Variants in WWOX observed in about 807,000 individuals in gnomAD.
WWOX encodes the protein WW domain containing oxidoreductase, also known as WW domain-containing oxidoreductase.
Under a neutral mutation model 46.2 loss-of-function variants are expected in WWOX, and 69 were observed. That is an observed-to-expected ratio of 1.49 (90% confidence interval 1.23 to 1.82). WWOX has a LOEUF of 1.82. Among genes scored for constraint, WWOX ranks in the 40% most tolerant of loss-of-function variants. WWOX has a pLI of 0.00. For synonymous variants in WWOX, 359 were observed against 202.6 expected (o/e 1.77, Z -6.56); for missense variants, 919 against 542.6 (o/e 1.69, Z -6.89).
At chr16:78,139,754 CAT>C (rs1192713891) in intron 4 of WWOX, among the ~76,000 whole-genome samples, 2 of 152,118 alleles carry the variant, frequency 1.3e-5, no homozygotes, top group African/African-American at 4.8e-5. Flanking sequence ...GAGAAAAAGA[CAT>C]ATTTATGCAT....
At chr16:78,754,200 A>C (rs1032035602) in intron 8 of WWOX, among the ~76,000 whole-genome samples, 5 of 151,788 alleles carry the variant, frequency 3.3e-5, no homozygotes, top group Non-Finnish European at 7.4e-5. Flanking sequence ...CTCTGTCTTC[A>C]CTCGGTGAGG....
intron 8 of WWOX, among the ~76,000 whole-genome samples, chr16:78,742,473 A>T (rs1328463523): frequency 6.6e-6 from 1 of 152,200 alleles, no homozygotes; most frequent in Non-Finnish European, 1.5e-5. Flanking sequence ...ACAGGTTGGA[A>T]GTATTTATCT....
At chr16:78,597,145 C>T (rs2045510759) in intron 8 of WWOX, among the ~76,000 whole-genome samples, 2 of 152,138 alleles carry the variant, frequency 1.3e-5, no homozygotes, top group African/African-American at 4.8e-5. Flanking sequence ...TTTATTTTAG[C>T]CGGTGCCTTT....
chr16:78,892,599 G>T (rs1010668635), intron 8 of WWOX, among the ~76,000 whole-genome samples: 3 of 152,178 alleles, frequency 2.0e-5, no homozygotes, highest in Non-Finnish European at 4.4e-5. Context: ...ACTTTTACCT[G>T]TGTTATCTAC....
chr16:79,043,481 G>C (rs2048010278), intron 8 of WWOX, among the ~76,000 whole-genome samples: 2 of 152,206 alleles, frequency 1.3e-5, no homozygotes, highest in African/African-American at 4.8e-5. Context: ...AAGTGCATTA[G>C]ATAAGTAAGT....
intron 8 of WWOX, among the ~76,000 whole-genome samples, chr16:78,691,592 C>T (rs1277043477): frequency 6.6e-6 from 1 of 152,034 alleles, no homozygotes; most frequent in Non-Finnish European, 1.5e-5. Flanking sequence ...CCTGAAGTCC[C>T]AGCTAACTGG....
chr16:78,752,283 T>C lies in WWOX; in HGVS notation c.1056+319531T>C, dbSNP rs186970698. On this transcript the variant is annotated intron_variant, in intron 8 of 8. Transcript: ENST00000566780. Reference sequence around the variant, plus strand: ...AGACTATCAGGTTAAAACAAAGATATTCTTTCTTTCCTTTTTGTTTTTGAC... The same window carrying C: ...AGACTATCAGGTTAAAACAAAGATACTCTTTCTTTCCTTTTTGTTTTTGAC... 2.9e-4 allele frequency among the ~76,000 whole-genome samples: 44 copies of C among 152,306 alleles called. No individual in the cohort carries two copies. In the East Asian group the frequency reaches 7.9e-3, roughly 27 times the overall value.
At chr16:79,106,344 A>G (rs2049307126) in intron 8 of WWOX, among the ~76,000 whole-genome samples, 1 of 152,180 alleles carries the variant, frequency 6.6e-6, no homozygotes, top group Admixed American at 6.5e-5. Flanking sequence ...AGGTGAAAGA[A>G]TCTTTGGCAT....
At chr16:79,120,823 C>T (rs1255108351) in intron 8 of WWOX, among the ~76,000 whole-genome samples, 1 of 152,220 alleles carries the variant, frequency 6.6e-6, no homozygotes. Context: ...GGCTGGAGTG[C>T]AGTGGCATGA....
chr16:78,234,265 G>T (rs1035853537), intron 5 of WWOX, among the ~76,000 whole-genome samples: 3 of 152,038 alleles, frequency 2.0e-5, no homozygotes, highest in Non-Finnish European at 4.4e-5. Flanking sequence ...AAATTTTCCA[G>T]TCTAGGTTAT....
intron 6 of WWOX, among the ~76,000 whole-genome samples, chr16:78,415,535 C>G (rs2082779573): frequency 6.6e-6 from 1 of 152,074 alleles, no homozygotes; most frequent in Non-Finnish European, 1.5e-5. Context: ...TGGAGTCACT[C>G]TGGTTTGAAT....
intron 8 of WWOX, among the ~76,000 whole-genome samples, chr16:78,701,266 A>G (rs2048210209): frequency 2.6e-5 from 4 of 152,144 alleles, no homozygotes; most frequent in African/African-American, 9.7e-5. Context: ...GTATTAAGAC[A>G]GGGTCTTGTT....
At chr16:78,825,929 C>G in intron 8 of WWOX, 1 of 774,158 alleles carries the variant, frequency 1.3e-6, no homozygotes, top group Non-Finnish European at 2.2e-6. Context: ...TGAGGTAGTG[C>G]CCACCACTCC....
At chr16:78,609,482 A>G (rs866561160) in intron 8 of WWOX, among the ~76,000 whole-genome samples, 5 of 152,102 alleles carry the variant, frequency 3.3e-5, no homozygotes, top group Admixed American at 2.6e-4. Context: ...AAAAGAAAAA[A>G]AAAAATGTTT....
intron 4 of WWOX, among the ~76,000 whole-genome samples, chr16:78,136,545 T>A (rs2033796548): frequency 6.6e-6 from 1 of 152,170 alleles, no homozygotes; most frequent in South Asian, 2.1e-4. Context: ...ATCACATCTG[T>A]TTATGAGTTT....
At chr16:78,349,612 G>A (rs12935254) in intron 5 of WWOX, among the ~76,000 whole-genome samples, 64,234 of 117,698 alleles carry the variant, frequency 0.55, 25,817 homozygotes, top group African/African-American at 0.69. Context: ...ACCTTTTCCC[G>A]TTTATCCATG....
chr16:79,094,734 G>C (rs1187408880), intron 8 of WWOX, among the ~76,000 whole-genome samples: 1 of 151,926 alleles, frequency 6.6e-6, no homozygotes, highest in African/African-American at 2.4e-5. Context: ...AGATAAACCT[G>C]GAATGAGGAA....
chr16:78,286,527 A>G (rs1438704812), intron 5 of WWOX, among the ~76,000 whole-genome samples: 2 of 152,226 alleles, frequency 1.3e-5, no homozygotes, highest in Non-Finnish European at 2.9e-5. Flanking sequence ...GAAAAATAAT[A>G]CATGATGTCT....
intron 8 of WWOX, among the ~76,000 whole-genome samples, chr16:78,530,762 T>G (rs935930631): frequency 6.6e-6 from 1 of 152,144 alleles, no homozygotes; most frequent in Admixed American, 6.5e-5. Context: ...TACCTGCAAT[T>G]CTTTGTACAT....
Sources: gnomAD v4.1 joint callset for allele counts (sites outside exome capture counted in the v4.1 genomes callset) on GRCh38, gnomAD v4.1.1 for gene constraint, MANE v1.5 for transcripts, NCBI Gene and HGNC (gene_info 2026-07-23, HGNC 2026-07-21) for gene names.